KLF17: variants seen among roughly 807,000 people sequenced by gnomAD.
KLF17 encodes the protein Krueppel-like factor 17.
KLF17 carries 31 observed loss-of-function variants against 34.2 expected under a neutral mutation model. That is an observed-to-expected ratio of 0.91 (90% confidence interval 0.68 to 1.22). The LOEUF (loss-of-function observed/expected upper bound fraction) is 1.22, where lower values mean the gene tolerates loss of function less well. KLF17 is among the 50% of genes most tolerant of loss of function. KLF17 has a pLI of 0.00. For missense variants in KLF17, 478 were observed against 505.2 expected, an observed-to-expected ratio of 0.95 and a Z score of 0.52; for synonymous variants, 179 against 186.7, an observed-to-expected ratio of 0.96 and a Z score of 0.34.
the KLF17 span, among the ~76,000 whole-genome samples, chr1:44,102,186 A>G: frequency 6.6e-6 from 1 of 152,196 alleles, no homozygotes; most frequent in Non-Finnish European, 1.5e-5. Context: ...TATATTGATT[A>G]AAAGATTCTC....
the KLF17 span, among the ~76,000 whole-genome samples, chr1:44,075,332 T>A: frequency 6.6e-6 from 1 of 152,220 alleles, no homozygotes. Context: ...AGTAGTGTTA[T>A]TTACTAAGGA....
At chr1:44,072,001 C>T in the KLF17 span, among the ~76,000 whole-genome samples, 11,679 of 151,070 alleles carry the variant, frequency 0.077, 436 homozygotes, top group African/African-American at 0.091. Context: ...TGGGGGGGGA[C>T]GGGGGGACAA....
chr1:44,070,200 T>A, the KLF17 span, among the ~76,000 whole-genome samples: 10 of 152,356 alleles, frequency 6.6e-5, no homozygotes, highest in South Asian at 4.1e-4. Context: ...AGTGATTTTT[T>A]AAATTTGTAT....
At chr1:44,076,230 C>G in the KLF17 span, 1 of 152,248 alleles carries the variant, frequency 6.6e-6, no homozygotes, top group Non-Finnish European at 1.5e-5. Context: ...CTAATGGGAA[C>G]AGGAAAAGGG....
At chr1:44,066,748 G>A in the KLF17 span, among the ~76,000 whole-genome samples, 1 of 152,214 alleles carries the variant, frequency 6.6e-6, no homozygotes, top group Admixed American at 6.5e-5. Context: ...ATATGTAAGA[G>A]CACAAATAAA....
chr1:44,077,580 T>G, the KLF17 span, among the ~76,000 whole-genome samples: 1 of 152,164 alleles, frequency 6.6e-6, no homozygotes, highest in Non-Finnish European at 1.5e-5. Flanking sequence ...ACTCAGTGGC[T>G]GAGGGGTAAA....
the KLF17 span, chr1:44,103,172 C>A: frequency 1.8e-6 from 1 of 568,936 alleles, no homozygotes; most frequent in Non-Finnish European, 3.1e-6. Flanking sequence ...TAAACTCCTC[C>A]GCAGGTGGGC....
rs553279016 is a variant in KLF17 at position 44,129,853 on chromosome 1, G to A, written c.582G>A (p.Pro194=). 4.6e-4 allele frequency: 743 copies of A among 1,614,170 alleles called. 1 individual carries two copies. The African/African-American group carries it at 8.6e-3, about 19-fold the overall frequency. Residue 194 remains proline, a synonymous_variant, in exon 2 of 4, where the codon CCG becomes CCA. Transcript: ENST00000372299. ...TVPSDETLLG[P]TVPSTEAQAV... is the part of the protein sequence containing the mutation. ...CTTCTGACGAAACATTGTTGGGCCC[G>A]ACTGTGCCTTCCACTGAGGCCCAGG...
the KLF17 span, chr1:44,105,186 A>G: frequency 0.32 from 49,234 of 152,112 alleles, 8,128 homozygotes; most frequent in South Asian, 0.38. Context: ...ACAAGCAAGT[A>G]GCTAACATAA....
chr1:44,122,414 A>AG, intron 1 of KLF17: 9 of 1,549,672 alleles, frequency 5.8e-6, no homozygotes, highest in Non-Finnish European at 8.0e-6. Flanking sequence ...TCATGCTGAC[A>AG]TCCACACCTG....
At chr1:44,047,971 G>C in the KLF17 span, 9 of 151,966 alleles carry the variant, frequency 5.9e-5, no homozygotes, top group South Asian at 1.9e-3. Context: ...AGTGTTTGGA[G>C]AGTGGGCCCA....
rs144146386 is a variant in KLF17 at position 44,129,501 on chromosome 1, C to T, written c.230C>T (p.Ala77Val). 23 of 1,612,292 alleles carry T rather than the reference C, an allele frequency of 1.4e-5. No individual in the cohort carries two copies. Among genetic ancestry groups the T allele is most frequent in the Middle Eastern group, 1.6e-4 (1 of 6,076 alleles). The change falls in exon 2 of 4, where the codon GCG (alanine) becomes GTG (valine). Residue 77 changes from alanine (A) to valine (V), a missense_variant. Coordinates refer to ENST00000372299, the MANE Select transcript of KLF17 (RefSeq NM_173484.4). ...GGGTCCCCTTTGGTGTCTGTTGAGG[C>T]GCCGGGGCAGAATGTGAATGAAGGG... is the stretch of plus-strand genomic sequence containing the variant. ...MLGSPLVSVE[A>V]PGQNVNEGGP...
chr1:44,091,961 A>ACACACACTCTCT, the KLF17 span, among the ~76,000 whole-genome samples: 1 of 116,554 alleles, frequency 8.6e-6, no homozygotes, highest in African/African-American at 3.5e-5. Context: ...ACACACACAC[A>ACACACACTCTCT]CTCTCTCTCT....
the KLF17 span, among the ~76,000 whole-genome samples, chr1:44,079,597 C>T: frequency 6.6e-6 from 1 of 152,136 alleles, no homozygotes; most frequent in Non-Finnish European, 1.5e-5. Flanking sequence ...AGCCACCACG[C>T]CTGGCCTAGT....
At chr1:44,066,141 A>T in the KLF17 span, among the ~76,000 whole-genome samples, 1 of 151,816 alleles carries the variant, frequency 6.6e-6, no homozygotes, top group Non-Finnish European at 1.5e-5. Flanking sequence ...ATACAGTGAG[A>T]CCCCCGTCTC....
At chr1:44,115,540 G>C (rs1468621054), upstream of KLF17, 1 of 147,772 alleles carries the variant, frequency 6.8e-6, no homozygotes, top group East Asian at 2.0e-4. Flanking sequence ...ATTTTTGTTT[G>C]TTAAGTGCAA....
chr1:44,118,951 A>T lies in KLF17; in HGVS notation c.44A>T (p.Glu15Val). Residue 15 changes from glutamate to valine, a missense_variant, in exon 1 of 4, where the codon GAG (glutamate) becomes GTG (valine). Coordinates refer to ENST00000372299, the MANE Select transcript of KLF17 (RefSeq NM_173484.4). ...PQAEMEQEAGELSRWQAAHQA... is the reference protein window; with the variant it reads ...PQAEMEQEAGVLSRWQAAHQA... Reference sequence around the variant, plus strand: ...GCTGAGATGGAACAGGAGGCTGGGGAGCTGAGCCGGTGGCAGGCGGCGCAC... The same window carrying T: ...GCTGAGATGGAACAGGAGGCTGGGGTGCTGAGCCGGTGGCAGGCGGCGCAC... 1 of 1,611,780 alleles carries T rather than the reference A, an allele frequency of 6.2e-7. No individual in the cohort carries two copies. The highest frequency in any genetic ancestry group is 1.3e-5 in the African/African-American group (1 of 74,862).
At position 44,130,534 on chromosome 1, in the gene KLF17, C is replaced by A; in HGVS notation, c.948C>A (p.Asn316Lys). ...CAGGTGAGAGGCCATATTCTTGCAA[C>A]TGGGAAAGTTGTTCATGGTCTTTCT... is the stretch of plus-strand genomic sequence containing the variant. ...KHTGERPYSCNWESCSWSFFR... is the reference protein window; with the variant it reads ...KHTGERPYSCKWESCSWSFFR... The change falls in exon 3 of 4, where the codon AAC becomes AAA. Residue 316 changes from asparagine to lysine, a missense_variant. Coordinates refer to ENST00000372299, the MANE Select transcript of KLF17 (RefSeq NM_173484.4). 6.2e-7 allele frequency: 1 copy of A among 1,614,168 alleles called. No homozygotes were observed. Among genetic ancestry groups the A allele is most frequent in the Non-Finnish European group, 8.5e-7 (1 of 1,180,008 alleles).
chr1:44,049,158 A>G, the KLF17 span, among the ~76,000 whole-genome samples: 1 of 152,038 alleles, frequency 6.6e-6, no homozygotes, highest in Admixed American at 6.5e-5. Flanking sequence ...CAGTGTAGAG[A>G]GAGCATGAGC....
Sources: allele counts gnomAD v4.1 joint callset (sites outside exome capture counted in the v4.1 genomes callset), GRCh38; gene constraint gnomAD v4.1.1; transcripts MANE v1.5; gene names NCBI Gene and HGNC (gene_info 2026-07-23, HGNC 2026-07-21).